The following KIRREL3 variants were observed in gnomAD, a reference collection of about 807,000 sequenced individuals.
KIRREL3 encodes kirre like nephrin family adhesion molecule 3.
Under a neutral mutation model 89.7 loss-of-function variants are expected in KIRREL3, and 36 were observed. The ratio of observed to expected loss-of-function variants is 0.40; its 90% CI spans 0.31 to 0.53. KIRREL3 has a LOEUF of 0.53. Ranked by LOEUF, KIRREL3 falls within the 20% of genes least tolerant of loss-of-function variation. The pLI is 0.49. For synonymous variants in KIRREL3, 445 were observed against 441.4 expected (o/e 1.01, Z -0.10); for missense variants, 864 against 1,056.6 (o/e 0.82, Z 2.53).
rs1957033873 is a variant in KIRREL3, at chr11:126,475,301, C to T, written c.434-1835G>A. The stretch of plus-strand genomic sequence containing the variant: ...AGCCTCAGCCTGCATGGGAACTTCC[C>T]TCCCCTTCTCAGGGGATCGCCCCGT... On this transcript the variant is annotated intron_variant, in intron 4 of 16. Coordinates refer to ENST00000525144, the MANE Select transcript of KIRREL3 (RefSeq NM_032531.4). This position sits in a 1 kb window ranked among gnomAD's most constrained non-coding sequence, Gnocchi z 7.5. 6.6e-6 allele frequency among the ~76,000 whole-genome samples: 1 copy of T among 152,174 alleles called. No individual in the cohort carries two copies.
rs181378600 is a variant in KIRREL3 at position 126,463,579 on chromosome 11, C to T, written c.592-272G>A. ...TTAGCCTGGATTCACATGCTAAAAG[C>T]ACAAAAGAAAGCAGGATGGGTTTCA... On this transcript the variant is annotated intron_variant, in intron 5 of 16. Transcript: ENST00000525144. The surrounding 1 kb of genome is among the most constrained non-coding windows in gnomAD (Gnocchi z 5.9). 5.3e-5 allele frequency among the ~76,000 whole-genome samples: 8 copies of T among 152,336 alleles called. No individual in the cohort carries two copies. Among genetic ancestry groups the T allele is most frequent in the Admixed American group, 5.2e-4 (8 of 15,306 alleles).
chr11:126,437,692 C>A (rs938324672), intron 11 of KIRREL3, among the ~76,000 whole-genome samples: 2 of 152,108 alleles, frequency 1.3e-5, no homozygotes, highest in Non-Finnish European at 2.9e-5. Context: ...CACATCTACA[C>A]GCAACACACA....
rs1216990969 is a variant in KIRREL3 at position 126,429,003 on chromosome 11, C to T, written c.1806+176G>A. The stretch of plus-strand genomic sequence containing the variant: ...CAGAACACAAGCACAGTACAGCAGG[C>T]ACACACTCACATTTGTTGGCTGAGA... On this transcript the variant is annotated intron_variant, in intron 15 of 16. Transcript: ENST00000525144. The surrounding 1 kb of genome is among the most constrained non-coding windows in gnomAD (Gnocchi z 5.2). 6.6e-6 allele frequency among the ~76,000 whole-genome samples: 1 copy of T among 152,150 alleles called. No individual in the cohort carries two copies. Among genetic ancestry groups the T allele is most frequent in the Non-Finnish European group, 1.5e-5 (1 of 68,022 alleles).
intron 1 of KIRREL3, among the ~76,000 whole-genome samples, chr11:126,667,709 A>T (rs1460553305): frequency 3.9e-5 from 6 of 152,144 alleles, no homozygotes; most frequent in Non-Finnish European, 7.4e-5. Flanking sequence ...TGGGGCCTCA[A>T]TTGGGATATT....
chr11:126,913,024 A>C (rs1288520030), intron 1 of KIRREL3, among the ~76,000 whole-genome samples: 1 of 152,228 alleles, frequency 6.6e-6, no homozygotes, highest in Non-Finnish European at 1.5e-5. Flanking sequence ...AGTTACCAGA[A>C]GTGGCTGTTA....
chr11:126,989,780 C>T lies in KIRREL3; in HGVS notation c.55+10675G>A, dbSNP rs1313946030. ...GGTGTCTCTCCTGCAGCATGAAGGC[C>T]ATTGTTTCCAGGGCCTGTGGCCAGG... is the stretch of plus-strand genomic sequence containing the variant. On this transcript the variant is annotated intron_variant, in intron 1 of 16. Transcript: ENST00000525144. This position sits in a 1 kb window ranked among gnomAD's most constrained non-coding sequence, Gnocchi z 6.2. 6.6e-6 allele frequency among the ~76,000 whole-genome samples: 1 copy of T among 152,166 alleles called. No individual in the cohort carries two copies. The highest frequency in any genetic ancestry group is 1.5e-5 in the Non-Finnish European group (1 of 68,040).
At position 126,564,426 on chromosome 11, in the gene KIRREL3, G is replaced by C. The variant is rs955310480; in HGVS notation, c.56-1514C>G. ...ATGGCAGGAGGTGGCAGAACGCCAC[G>C]GCCCAGGGAGGTCCCTGGCTTTGAT... On this transcript the variant is annotated intron_variant, in intron 1 of 16. Transcript: ENST00000525144. This position sits in a 1 kb window ranked among gnomAD's most constrained non-coding sequence, Gnocchi z 7.4. Among the ~76,000 whole-genome samples the C allele has an allele frequency of 5.9e-5, 9 of 152,114 alleles. No individual in the cohort carries two copies. The highest frequency in any genetic ancestry group is 1.3e-4 in the Non-Finnish European group (9 of 68,016).
rs1033726930 is a variant in KIRREL3, at chr11:126,635,101, G to T, written c.56-72189C>A. Among the ~76,000 whole-genome samples the T allele has an allele frequency of 3.3e-5, 5 of 152,182 alleles. No individual in the cohort carries two copies. Among genetic ancestry groups the T allele is most frequent in the Non-Finnish European group, 7.3e-5 (5 of 68,032 alleles). The stretch of plus-strand genomic sequence containing the variant: ...CACAAAGAACACTTTTTCTTTTAAG[G>T]ATTGACCTTTTGCTCAATGAGCAGG... On this transcript the variant is annotated intron_variant, in intron 1 of 16. Coordinates refer to ENST00000525144, the MANE Select transcript of KIRREL3 (RefSeq NM_032531.4). The surrounding 1 kb of genome is among the most constrained non-coding windows in gnomAD (Gnocchi z 4.0).
At chr11:126,667,817 A>G (rs1405459717) in intron 1 of KIRREL3, among the ~76,000 whole-genome samples, 2 of 152,170 alleles carry the variant, frequency 1.3e-5, no homozygotes, top group East Asian at 1.9e-4. Context: ...TTTGGGCAGG[A>G]GTGGGATGAC....
At chr11:126,438,344 A>T (rs933742251) in intron 11 of KIRREL3, among the ~76,000 whole-genome samples, 3 of 152,234 alleles carry the variant, frequency 2.0e-5, no homozygotes, top group Admixed American at 1.3e-4. Flanking sequence ...TCATCGTGTA[A>T]GCGCCTCGTA....
intron 4 of KIRREL3, among the ~76,000 whole-genome samples, chr11:126,500,756 A>G (rs1308281849): frequency 4.7e-5 from 7 of 148,566 alleles, no homozygotes; most frequent in African/African-American, 1.5e-4. Flanking sequence ...AAAAAAAAAG[A>G]AAAAGAAAAG....
chr11:126,518,012 C>T (rs968836929), intron 4 of KIRREL3, among the ~76,000 whole-genome samples: 1 of 152,230 alleles, frequency 6.6e-6, no homozygotes, highest in Non-Finnish European at 1.5e-5. Flanking sequence ...ACAGAGGGCA[C>T]GCAGCCTGAC....
chr11:126,573,215 C>A (rs754876729), intron 1 of KIRREL3, among the ~76,000 whole-genome samples: 1 of 152,156 alleles, frequency 6.6e-6, no homozygotes, highest in East Asian at 1.9e-4. Context: ...AGTGGGCATG[C>A]GTTGCCTCGC....
Position 126,607,780 on chromosome 11 carries a change from C to T in KIRREL3, c.56-44868G>A, listed in dbSNP as rs910371072. ...TTAGTCCTAATGATTTGCTGAAGGG[C>T]CGAGTTGCTTAGCCCTGCAGGGTAC... On this transcript the variant is annotated intron_variant, in intron 1 of 16. Coordinates refer to ENST00000525144, the MANE Select transcript of KIRREL3 (RefSeq NM_032531.4). This position sits in a 1 kb window ranked among gnomAD's most constrained non-coding sequence, Gnocchi z 6.6. 1.3e-5 allele frequency among the ~76,000 whole-genome samples: 2 copies of T among 152,090 alleles called. No homozygotes were observed. The highest frequency in any genetic ancestry group is 1.3e-4 in the Admixed American group (2 of 15,270).
At chr11:126,577,367 A>G (rs1941308943) in intron 1 of KIRREL3, among the ~76,000 whole-genome samples, 1 of 152,178 alleles carries the variant, frequency 6.6e-6, no homozygotes, top group South Asian at 2.1e-4. Context: ...GGTCTCTGGG[A>G]AAAAGGTCCA....
At position 126,570,509 on chromosome 11, in the gene KIRREL3, A is replaced by C. The variant is rs919819778; in HGVS notation, c.56-7597T>G. On this transcript the variant is annotated intron_variant, in intron 1 of 16. Coordinates refer to ENST00000525144, the MANE Select transcript of KIRREL3 (RefSeq NM_032531.4). The surrounding 1 kb of genome is among the most constrained non-coding windows in gnomAD (Gnocchi z 6.1). ...GTGATAATTCCAAAAACTTGTTGTGACCCGCCAGCCCATCTCACCAGCTCC... is the reference window on the plus strand; with the variant it reads ...GTGATAATTCCAAAAACTTGTTGTGCCCCGCCAGCCCATCTCACCAGCTCC... Among the ~76,000 whole-genome samples, 5 of 152,228 alleles carry C rather than the reference A, an allele frequency of 3.3e-5. No individual in the cohort carries two copies. In the South Asian group the frequency reaches 1.0e-3, roughly 32 times the overall value.
intron 1 of KIRREL3, among the ~76,000 whole-genome samples, chr11:126,658,120 A>G (rs943140770): frequency 3.9e-5 from 6 of 152,220 alleles, no homozygotes; most frequent in Non-Finnish European, 8.8e-5. Context: ...CGCAGCTTCA[A>G]TACCCAAATG....
At chr11:126,582,163 G>A (rs879435564) in intron 1 of KIRREL3, among the ~76,000 whole-genome samples, 4 of 152,192 alleles carry the variant, frequency 2.6e-5, no homozygotes, top group Non-Finnish European at 5.9e-5. Flanking sequence ...GCCAATCGTG[G>A]AGCCTCTCTG....
Position 126,454,023 on chromosome 11 carries a change from G to A in KIRREL3, c.848+2326C>T, listed in dbSNP as rs1388420317. On this transcript the variant is annotated intron_variant, in intron 7 of 16. Coordinates refer to ENST00000525144, the MANE Select transcript of KIRREL3 (RefSeq NM_032531.4). This position sits in a 1 kb window ranked among gnomAD's most constrained non-coding sequence, Gnocchi z 5.8. ...TCTCTGCTTGTTCATTAACTTTTCA[G>A]CTTGCAAAAAACAAACTTCGGAATT... is the stretch of plus-strand genomic sequence containing the variant. Among the ~76,000 whole-genome samples the A allele has an allele frequency of 6.6e-6, 1 of 152,096 alleles. No homozygotes were observed. The highest frequency in any genetic ancestry group is 1.5e-5 in the Non-Finnish European group (1 of 68,026).
Sources: gnomAD v4.1 joint callset for allele counts (sites outside exome capture counted in the v4.1 genomes callset) on GRCh38, gnomAD v4.1.1 for gene constraint, Gnocchi (gnomAD v3.1) non-coding constraint, MANE v1.5 for transcripts, NCBI Gene and HGNC (gene_info 2026-07-23, HGNC 2026-07-21) for gene names.